Variants in GRIK1 observed in about 807,000 individuals in gnomAD.
The protein encoded by GRIK1 is glutamate ionotropic receptor kainate type subunit 1.
GRIK1 carries 69 observed loss-of-function variants against 105.7 expected under a neutral mutation model. The ratio of observed to expected loss-of-function variants is 0.65; its 90% CI spans 0.54 to 0.80. The LOEUF is 0.80. GRIK1 is among the 30% of genes least tolerant of loss of function. The pLI is 0.00. For missense variants in GRIK1, 1,109 were observed against 1,167.3 expected (o/e 0.95, Z 0.73); for synonymous variants, 438 against 431.3 (o/e 1.02, Z -0.19).
At chr21:29,854,732 G>A (rs1053903024) in intron 1 of GRIK1, among the ~76,000 whole-genome samples, 2 of 152,168 alleles carry the variant, frequency 1.3e-5, no homozygotes, top group Non-Finnish European at 2.9e-5. Flanking sequence ...GATCATGATG[G>A]TTCAAGGATC....
At chr21:29,786,228 C>A (rs2066257703) in intron 1 of GRIK1, among the ~76,000 whole-genome samples, 1 of 152,204 alleles carries the variant, frequency 6.6e-6, no homozygotes, top group Admixed American at 6.5e-5. Context: ...ACCCTGTGAT[C>A]CGCCCGCCTC....
At chr21:29,655,027 G>C (rs1689558628) in intron 4 of GRIK1, among the ~76,000 whole-genome samples, 164 bp from the exon 5 acceptor site, 1 of 152,226 alleles carries the variant, frequency 6.6e-6, no homozygotes, top group African/African-American at 2.4e-5. Context: ...TGGCTGGTGT[G>C]GAGCAAGCCA....
chr21:29,805,196 C>A (rs1337277855), intron 1 of GRIK1, among the ~76,000 whole-genome samples: 1 of 152,144 alleles, frequency 6.6e-6, no homozygotes, highest in Admixed American at 6.6e-5. Flanking sequence ...AAGGGCAAAT[C>A]TCAGCCTAGT....
At chr21:29,838,820 C>T (rs1271321500) in intron 1 of GRIK1, among the ~76,000 whole-genome samples, 2 of 151,970 alleles carry the variant, frequency 1.3e-5, no homozygotes, top group African/African-American at 2.4e-5. Context: ...AAAAAGAAAA[C>T]ATGAAAACAA....
intron 1 of GRIK1, among the ~76,000 whole-genome samples, chr21:29,701,885 A>G (rs777448569): frequency 1.3e-5 from 2 of 152,204 alleles, no homozygotes; most frequent in Non-Finnish European, 2.9e-5. Context: ...CATAAGTAAG[A>G]GGAAGGGAGT....
At chr21:29,659,269 C>T (rs969797350) in intron 4 of GRIK1, among the ~76,000 whole-genome samples, 1 of 152,024 alleles carries the variant, frequency 6.6e-6, no homozygotes. Flanking sequence ...AATTTTTCCC[C>T]ATATAAACGA....
chr21:29,697,237 C>T (rs568060843), intron 1 of GRIK1, among the ~76,000 whole-genome samples: 2 of 152,236 alleles, frequency 1.3e-5, no homozygotes, highest in South Asian at 4.1e-4. Flanking sequence ...ATCAAAGTGC[C>T]CTGAAAACTC....
chr21:29,551,757 A>T (rs1483001024), intron 16 of GRIK1, among the ~76,000 whole-genome samples: 11 of 152,148 alleles, frequency 7.2e-5, no homozygotes, highest in Non-Finnish European at 1.5e-5. Context: ...TACTTCATCA[A>T]TCACACTTGA....
chr21:29,921,368 T>C lies in GRIK1; in HGVS notation c.118+18015A>G, dbSNP rs1197142769. Among the ~76,000 whole-genome samples, 4 of 152,166 alleles carry C rather than the reference T, an allele frequency of 2.6e-5. No homozygotes were observed. In the South Asian group the frequency reaches 6.2e-4, roughly 24 times the overall value. ...AGAAAAGACCAGTTCAGCATGTTAG[T>C]CCTCATTGCAAGGCCCACTAAGATT... On this transcript the variant is annotated intron_variant, in intron 1 of 17. Coordinates refer to ENST00000327783, the MANE Select transcript of GRIK1 (RefSeq NM_001330994.2).
At chr21:29,582,402 T>C in intron 12 of GRIK1, 1 of 456,576 alleles carries the variant, frequency 2.2e-6, no homozygotes, top group Admixed American at 2.5e-5. Flanking sequence ...TGCAAGGTGG[T>C]GCGCTATGGG....
chr21:29,757,790 C>A (rs1428812364), intron 1 of GRIK1, among the ~76,000 whole-genome samples: 1 of 152,158 alleles, frequency 6.6e-6, no homozygotes, highest in African/African-American at 2.4e-5. Context: ...GAATTTTTAG[C>A]AACATTCCTG....
Position 29,537,316 on chromosome 21 carries a change from T to G in GRIK1, c.2764A>C (p.Lys922Gln). The change falls in exon 18 of 18, where the codon AAG becomes CAG. Residue 922 changes from lysine (K) to glutamine (Q), a missense_variant. Physicochemically the swap from Lys to Gln is moderately conservative, Grantham distance 53. This residue lies in a region of GRIK1 where 161 missense variants were observed against 143.4 expected (regional missense o/e 1.12). Coordinates refer to ENST00000327783, the MANE Select transcript of GRIK1 (RefSeq NM_001330994.2). ...GAAGATTTCCCCTTAGTTCTTGACT[T>G]TTTCTTTATTTTTTTCTGATTCTTC... ...SLKNQKKIKK[K>Q]SRTKGKSSFT... 5 of 1,611,110 alleles carry G rather than the reference T, an allele frequency of 3.1e-6. No individual in the cohort carries two copies. Among genetic ancestry groups the G allele is most frequent in the Non-Finnish European group, 4.2e-6 (5 of 1,177,860 alleles).
At chr21:29,925,636 C>A (rs2071343436) in intron 1 of GRIK1, among the ~76,000 whole-genome samples, 1 of 152,176 alleles carries the variant, frequency 6.6e-6, no homozygotes, top group Non-Finnish European at 1.5e-5. Context: ...AAAGGCAGGT[C>A]AGCCTTCAGG....
intron 1 of GRIK1, among the ~76,000 whole-genome samples, chr21:29,860,533 C>T (rs1343602788): frequency 6.6e-6 from 1 of 152,146 alleles, no homozygotes; most frequent in East Asian, 1.9e-4. Context: ...CAAATTATGT[C>T]CACAAATGGG....
chr21:29,871,038 T>G (rs1055926652), intron 1 of GRIK1, among the ~76,000 whole-genome samples: 2 of 152,162 alleles, frequency 1.3e-5, no homozygotes, highest in African/African-American at 4.8e-5. Context: ...CTGAAAGCAC[T>G]TCTACCTCCG....
intron 14 of GRIK1, among the ~76,000 whole-genome samples, chr21:29,568,177 A>C (rs2090655603): frequency 6.6e-6 from 1 of 152,218 alleles, no homozygotes; most frequent in Non-Finnish European, 1.5e-5. Context: ...TTCCCAAACA[A>C]ATACACTTTT....
chr21:29,703,196 C>T (rs1568993401), intron 1 of GRIK1, among the ~76,000 whole-genome samples: 1 of 152,170 alleles, frequency 6.6e-6, no homozygotes, highest in Non-Finnish European at 1.5e-5. Flanking sequence ...TATATGTATT[C>T]TAACAAAGCT....
chr21:29,804,091 G>A (rs75789138), intron 1 of GRIK1, among the ~76,000 whole-genome samples: 10,795 of 152,074 alleles, frequency 0.071, 428 homozygotes, highest in South Asian at 0.086. Context: ...TGACCCCATC[G>A]TTTCAGTTAT....
At chr21:29,626,356 G>A (rs764017889) in intron 7 of GRIK1, among the ~76,000 whole-genome samples, 1 of 152,158 alleles carries the variant, frequency 6.6e-6, no homozygotes, top group Non-Finnish European at 1.5e-5. Context: ...ACCACTTAAC[G>A]CTGTTGCATT....
Sources: allele counts gnomAD v4.1 joint callset (sites outside exome capture counted in the v4.1 genomes callset), GRCh38; gene constraint gnomAD v4.1.1; regional missense constraint gnomAD v4.1.1; transcripts MANE v1.5; gene names NCBI Gene and HGNC (gene_info 2026-07-23, HGNC 2026-07-21).